Variants in TSPAN14 observed in about 807,000 individuals in gnomAD.
TSPAN14 encodes the protein tetraspanin-14.
Under a neutral mutation model 36.6 loss-of-function variants are expected in TSPAN14, and 16 were observed. The observed-to-expected ratio is 0.44, with a 90% CI of 0.30 to 0.66. TSPAN14 has a LOEUF of 0.66. TSPAN14 is among the 30% of genes least tolerant of loss of function. The pLI is 0.12. For synonymous variants in TSPAN14, 139 were observed against 143.8 expected (o/e 0.97, Z 0.24); for missense variants, 231 against 355.1 (o/e 0.65, Z 2.81).
intron 3 of TSPAN14, 46 bp downstream of exon 3, chr10:80,504,824 C>G: frequency 6.2e-7 from 1 of 1,608,124 alleles, no homozygotes; most frequent in South Asian, 1.1e-5. Flanking sequence ...CAGCCAAAAC[C>G]AGATTCGTTG....
intron 2 of TSPAN14, 100 bp downstream of exon 2, chr10:80,489,414 C>T: frequency 1.1e-6 from 1 of 889,190 alleles, no homozygotes; most frequent in South Asian, 1.4e-5. Context: ...ATGTAAGGCT[C>T]TGGGATAAGG....
exon 9 of TSPAN14, chr10:80,520,521 T>G: frequency 2.1e-6 from 1 of 477,890 alleles, no homozygotes; most frequent in Admixed American, 2.2e-5. Flanking sequence ...TTGCACCCTC[T>G]TCTCACCTCA....
At chr10:80,518,283 A>C in exon 9 of TSPAN14, 1 of 432,786 alleles carries the variant, frequency 2.3e-6, no homozygotes, top group East Asian at 4.4e-5. Context: ...GGAGGGCTTG[A>C]CTCAGACCCC....
chr10:80,464,042 G>GTA, intron 1 of TSPAN14, among the ~76,000 whole-genome samples: 1 of 152,212 alleles, frequency 6.6e-6, no homozygotes, highest in South Asian at 2.1e-4. Context: ...AGCGAGTTGG[G>GTA]GTGTAGGGAG....
intron 1 of TSPAN14, among the ~76,000 whole-genome samples, chr10:80,461,346 G>T (rs1245916528): frequency 6.6e-6 from 1 of 152,234 alleles, no homozygotes; most frequent in Non-Finnish European, 1.5e-5. Flanking sequence ...TCTGTAGCCA[G>T]CTTCCACCCT....
chr10:80,500,807 G>GTAAGCGGCCC (rs1284907068), intron 2 of TSPAN14, among the ~76,000 whole-genome samples: 1 of 152,270 alleles, frequency 6.6e-6, no homozygotes, highest in African/African-American at 2.4e-5. Context: ...ATGCAGAGCG[G>GTAAGCGGCCC]TAAGCGGCCC....
At chr10:80,487,999 G>A in intron 1 of TSPAN14, among the ~76,000 whole-genome samples, 1 of 152,192 alleles carries the variant, frequency 6.6e-6, no homozygotes, top group East Asian at 1.9e-4. Context: ...TGCCTCACAG[G>A]AAGGGGTTTT....
Position 80,509,574 on chromosome 10 carries a change from C to A in TSPAN14, c.450+103C>A. On this transcript the variant is annotated intron_variant, in intron 5 of 8. Transcript: ENST00000429989. This position sits in a 1 kb window ranked among gnomAD's most constrained non-coding sequence, Gnocchi z 4.7. ...CAGGCCTTCTCTGTGGGTTGTCTGC[C>A]TGCAGCTTGGCAGACAGCAGGGAGG... 1.5e-6 allele frequency: 2 copies of A among 1,297,376 alleles called. No homozygotes were observed. Among genetic ancestry groups the A allele is most frequent in the East Asian group, 2.4e-5 (1 of 42,046 alleles). The allele number at this position is 1,297,376 out of a possible 1,614,324, so 80.4% of individuals were successfully genotyped here.
At chr10:80,507,305 G>A in exon 4 of TSPAN14, 1 of 1,614,222 alleles carries the variant, frequency 6.2e-7, no homozygotes, top group South Asian at 1.1e-5. Context: ...TGGTGGGCGT[G>A]GTGATGTTCA....
intron 7 of TSPAN14, chr10:80,515,990 T>C: frequency 1.6e-6 from 1 of 614,354 alleles, no homozygotes; most frequent in East Asian, 2.9e-5. Context: ...CCAGGGAGCC[T>C]TTGGTCAGAC....
intron 4 of TSPAN14, 106 bp downstream of exon 4, chr10:80,507,480 C>A: frequency 1.3e-6 from 2 of 1,496,758 alleles, no homozygotes; most frequent in Non-Finnish European, 1.8e-6. Flanking sequence ...CTCTTAGGAG[C>A]CTCCCCTAGG....
chr10:80,499,943 A>C (rs2132032799), intron 2 of TSPAN14, among the ~76,000 whole-genome samples: 1 of 152,228 alleles, frequency 6.6e-6, no homozygotes, highest in South Asian at 2.1e-4. Context: ...GCTGGAGGGC[A>C]CTCAGCTGAA....
At position 80,476,820 on chromosome 10, in the gene TSPAN14, CTG is replaced by C. The variant is rs531239428; in HGVS notation, c.-17-12395_-17-12394del. 3.5e-3 allele frequency among the ~76,000 whole-genome samples: 528 copies of C among 152,204 alleles called. 4 individuals are homozygous for C. The highest frequency in any genetic ancestry group is 0.017 in the Middle Eastern group (5 of 294). On this transcript the variant is annotated intron_variant, in intron 1 of 8. Coordinates refer to ENST00000429989, the Ensembl canonical transcript of TSPAN14. ...CAGAACTGTGGTTGCAGAAGGCTGA[CTG>C]TATTAAATCTCACAATTTCTGTAGG...
exon 9 of TSPAN14, chr10:80,520,818 C>T (rs1462381649): frequency 1.9e-6 from 1 of 533,308 alleles, no homozygotes; most frequent in Non-Finnish European, 3.8e-6. Flanking sequence ...CCTTCTTCAG[C>T]CTCTGTAGCA....
chr10:80,504,178 G>A (rs1048160830), intron 2 of TSPAN14, among the ~76,000 whole-genome samples: 3 of 152,216 alleles, frequency 2.0e-5, no homozygotes, highest in Admixed American at 1.3e-4. Flanking sequence ...CTCAGCCCTG[G>A]CCAGTGAATG....
exon 9 of TSPAN14, chr10:80,518,072 C>T (rs1395848938): frequency 3.9e-6 from 5 of 1,292,432 alleles, no homozygotes; most frequent in Non-Finnish European, 5.5e-6. Flanking sequence ...AGCCGACACC[C>T]CCAGAGCCAG....
At position 80,512,623 on chromosome 10, in the gene TSPAN14, A is replaced by G. The variant is rs116015998; in HGVS notation, c.576+354A>G. 3.0e-3 allele frequency among the ~76,000 whole-genome samples: 461 copies of G among 152,294 alleles called. 2 individuals carry two copies. Among genetic ancestry groups the G allele is most frequent in the African/African-American group, 0.01 (430 of 41,564 alleles). The stretch of plus-strand genomic sequence containing the variant: ...TTCTGGAGCAGATTCCTAGAACTCA[A>G]CAGTGCACGGGGGCTGTGGGTACAC... On this transcript the variant is annotated intron_variant, in intron 6 of 8. Transcript: ENST00000429989.
At chr10:80,464,650 G>A (rs979884514) in intron 1 of TSPAN14, among the ~76,000 whole-genome samples, 8 of 152,206 alleles carry the variant, frequency 5.3e-5, no homozygotes, top group Non-Finnish European at 8.8e-5. Context: ...CACCATTGCG[G>A]TTACATGCAG....
intron 2 of TSPAN14, among the ~76,000 whole-genome samples, chr10:80,494,201 C>T (rs1848070356): frequency 2.0e-5 from 3 of 152,182 alleles, no homozygotes; most frequent in Admixed American, 1.3e-4. Flanking sequence ...TGAGCCTACC[C>T]TTGTAAAATG....
Sources: gnomAD v4.1 joint callset for allele counts (sites outside exome capture counted in the v4.1 genomes callset) on GRCh38, gnomAD v4.1.1 for gene constraint, Gnocchi (gnomAD v3.1) non-coding constraint, MANE v1.5 for transcripts, NCBI Gene and HGNC (gene_info 2026-07-23, HGNC 2026-07-21) for gene names.